RAB17: variants seen among roughly 807,000 people sequenced by gnomAD.
RAB17 encodes the protein ras-related protein Rab-17.
RAB17 carries 15 observed loss-of-function variants against 19.3 expected under a neutral mutation model. That is an observed-to-expected ratio of 0.78 (90% CI 0.52 to 1.20). RAB17 has a LOEUF of 1.20. Ranked by LOEUF, RAB17 falls within the 50% of genes most tolerant of loss-of-function variation. The probability of loss-of-function intolerance (pLI) is 0.00; values close to 1 mark genes in which losing one functional copy is unlikely to be tolerated. For synonymous variants in RAB17, 110 were observed against 112.8 expected, an observed-to-expected ratio of 0.97 and a Z score of 0.16; for missense variants, 262 against 269.3, an observed-to-expected ratio of 0.97 and a Z score of 0.19.
chr2:237,577,272 C>T lies in RAB17; in HGVS notation c.420G>A (p.Arg140=). 6.2e-6 allele frequency: 10 copies of T among 1,613,430 alleles called. No homozygotes were observed. The highest frequency in any genetic ancestry group is 8.5e-6 in the Non-Finnish European group (10 of 1,179,842). ...TGGGCGGTACCTGGAAGGTCACCTC[C>T]CGCTCCTGGCTGAGGTCCGTCTTGT... ...VGNKTDLSQE[R]EVTFQEGKEF... The change falls in exon 4 of 6, where the codon CGG becomes CGA. Residue 140 remains arginine, a synonymous_variant. Coordinates refer to ENST00000264601, the MANE Select transcript of RAB17 (RefSeq NM_022449.4).
At position 237,574,608 on chromosome 2, in the gene RAB17, C is replaced by G. The variant is rs1315092266; in HGVS notation, c.*411G>C. 1.1e-5 allele frequency: 17 copies of G among 1,533,320 alleles called. No homozygotes were observed. The highest frequency in any genetic ancestry group is 2.8e-5 in the African/African-American group (2 of 72,502). 95.0% of individuals were successfully genotyped at this position (1,533,320 alleles called of 1,614,324 possible). A position where few individuals can be genotyped will look rare whatever the true frequency, so the allele number is the denominator to read the frequency against. On this transcript the variant is annotated 3_prime_UTR_variant, in exon 6 of 6. Coordinates refer to ENST00000264601, the MANE Select transcript of RAB17 (RefSeq NM_022449.4). ...CCATCTGGCCTGCTCCCCAACCCCCCAGAAGCAGGTGGGCCCAGGCTCCAG... is the reference window on the plus strand; with the variant it reads ...CCATCTGGCCTGCTCCCCAACCCCCGAGAAGCAGGTGGGCCCAGGCTCCAG...
intron 2 of RAB17, among the ~76,000 whole-genome samples, chr2:237,583,057 G>A (rs1382283126): frequency 6.6e-6 from 1 of 152,164 alleles, no homozygotes; most frequent in African/African-American, 2.4e-5. Flanking sequence ...AGCCAAGGTT[G>A]CACCACTGCA....
At position 237,590,528 on chromosome 2, in the gene RAB17, G is replaced by C. The variant is rs1219987168; in HGVS notation, c.-65C>G. On this transcript the variant is annotated 5_prime_UTR_variant, in exon 1 of 6. Coordinates refer to ENST00000264601, the MANE Select transcript of RAB17 (RefSeq NM_022449.4). ...GAGCCTGTCATCACCAGTCCACAGCGTTGCTACCTGTCTCCGCTTTCTCCT... is the reference window on the plus strand; with the variant it reads ...GAGCCTGTCATCACCAGTCCACAGCCTTGCTACCTGTCTCCGCTTTCTCCT... 5 of 152,422 alleles carry C rather than the reference G, an allele frequency of 3.3e-5. No individual in the cohort carries two copies. The highest frequency in any genetic ancestry group is 7.3e-5 in the Non-Finnish European group (5 of 68,212). 9.4% of individuals were successfully genotyped at this position (152,422 alleles called of 1,614,324 possible). A position where few individuals can be genotyped will look rare whatever the true frequency, so the allele number is the denominator to read the frequency against.
intron 2 of RAB17, chr2:237,579,274 C>T (rs2081290460): frequency 6.6e-6 from 1 of 152,270 alleles, no homozygotes; most frequent in African/African-American, 2.4e-5. Flanking sequence ...AAAACTTACA[C>T]TCCAAGGACA....
intron 2 of RAB17, among the ~76,000 whole-genome samples, chr2:237,579,728 AGACAGAGAACAGGAGGCTG>A (rs149945290): frequency 2.7e-4 from 41 of 149,928 alleles, no homozygotes; most frequent in Middle Eastern, 6.8e-3. Context: ...TGCACCCACT[AGACAGAGAACAGGAGGCTG>A]GACAGAGAAC....
chr2:237,577,312 A>G lies in RAB17; in HGVS notation c.380T>C (p.Val127Ala). 6.2e-7 allele frequency: 1 copy of G among 1,613,904 alleles called. No individual in the cohort carries two copies. Residue 127 changes from valine to alanine, a missense_variant, in exon 4 of 6, where the codon GTG becomes GCG. Physicochemically the swap from Val to Ala is moderately conservative, Grantham distance 64. Coordinates refer to ENST00000264601, the MANE Select transcript of RAB17 (RefSeq NM_022449.4). ...GTCCGTCTTGTTGCCCACCAGCATC[A>G]CCAGGACTTCTCCTGGGTGCAGCTC... ...EEELHPGEVL[V>A]MLVGNKTDLS...
intron 2 of RAB17, among the ~76,000 whole-genome samples, chr2:237,585,229 A>T (rs1271403598): frequency 6.6e-6 from 1 of 151,170 alleles, no homozygotes; most frequent in African/African-American, 2.5e-5. Flanking sequence ...GAATTTGGAG[A>T]TGTGCAGCTT....
intron 2 of RAB17, among the ~76,000 whole-genome samples, chr2:237,584,258 C>T (rs923498418): frequency 2.6e-5 from 4 of 152,052 alleles, no homozygotes; most frequent in Admixed American, 2.0e-4. Flanking sequence ...CGTCCAAGCA[C>T]GTCTCAATGA....
At chr2:237,580,654 G>A (rs957244819) in intron 2 of RAB17, among the ~76,000 whole-genome samples, 14 of 152,140 alleles carry the variant, frequency 9.2e-5, no homozygotes, top group South Asian at 6.2e-4. Flanking sequence ...CAGGAGAATC[G>A]CTTGAACCCA....
chr2:237,583,647 G>A (rs564742456), intron 2 of RAB17, among the ~76,000 whole-genome samples: 199 of 152,264 alleles, frequency 1.3e-3, no homozygotes, highest in Non-Finnish European at 2.1e-3. Context: ...TCCTCTCCCC[G>A]TTGTGCCACG....
chr2:237,585,645 G>A (rs78135595), intron 2 of RAB17: 2,264 of 188,542 alleles, frequency 0.012, 20 homozygotes, highest in Middle Eastern at 0.021. Context: ...GGTTTAGGCC[G>A]CTGAGTGGCC....
Position 237,574,658 on chromosome 2 carries a change from C to T in RAB17, c.*361G>A, listed in dbSNP as rs75804139. ...GGCCAGTGCCCCCATCAAGATCAGACGTAAGGCATCTTCCCACCGTCGCTG... is the reference window on the plus strand; with the variant it reads ...GGCCAGTGCCCCCATCAAGATCAGATGTAAGGCATCTTCCCACCGTCGCTG... On this transcript the variant is annotated 3_prime_UTR_variant, in exon 6 of 6. Coordinates refer to ENST00000264601, the MANE Select transcript of RAB17 (RefSeq NM_022449.4). The T allele has an allele frequency of 1.5e-3, 2,164 of 1,469,680 alleles. 30 individuals are homozygous for T. The African/African-American group carries it at 0.028, about 19-fold the overall frequency. 91.0% of individuals were successfully genotyped at this position (1,469,680 alleles called of 1,614,324 possible).
chr2:237,575,535 C>T lies in RAB17; in HGVS notation c.436-55G>A, dbSNP rs1022904653. 22 of 1,292,064 alleles carry T rather than the reference C, an allele frequency of 1.7e-5. No individual in the cohort carries two copies. In the South Asian group the frequency reaches 2.8e-4, roughly 16 times the overall value. The allele number at this position is 1,292,064 out of a possible 1,614,324, so 80.0% of individuals were successfully genotyped here. ...TGTTTATAAGAGAGTTTCCTAAGGA[C>T]ACCTGGTTCACTTCCAACAGTAAGA... On this transcript the variant is annotated intron_variant, in intron 4 of 5. Transcript: ENST00000264601.
At position 237,575,066 on chromosome 2, in the gene RAB17, C is replaced by G. The variant is rs2081250264; in HGVS notation, c.592G>C (p.Ala198Pro). Residue 198 changes from alanine to proline, a missense_variant, in exon 6 of 6, where the codon GCT (alanine) becomes CCT (proline). Coordinates refer to ENST00000264601, the MANE Select transcript of RAB17 (RefSeq NM_022449.4). ...GQALRGDAAVALNKGPARQAK... is the reference protein window; with the variant it reads ...GQALRGDAAVPLNKGPARQAK... ...TGCCTCGCGGGCCCCTTGTTCAGAG[C>G]CACAGCTGCATCCCCCCGTAGAGCC... 1 of 1,613,802 alleles carries G rather than the reference C, an allele frequency of 6.2e-7. No homozygotes were observed. The highest frequency in any genetic ancestry group is 2.2e-5 in the East Asian group (1 of 44,874).
chr2:237,582,019 C>T (rs1391448022), intron 2 of RAB17, among the ~76,000 whole-genome samples: 1 of 152,274 alleles, frequency 6.6e-6, no homozygotes, highest in African/African-American at 2.4e-5. Context: ...ACAGCAGGGG[C>T]TCCTAAAGCT....
chr2:237,575,321 G>T (rs919002129), intron 5 of RAB17, 66 bp downstream of exon 5: 15 of 1,322,468 alleles, frequency 1.1e-5, no homozygotes, highest in Middle Eastern at 5.1e-4. Flanking sequence ...CCAGCAACAG[G>T]GACCCAGGGA....
rs1264752418 is a variant in RAB17 at position 237,574,871 on chromosome 2, G to A, written c.*148C>T. 3.7e-6 allele frequency: 3 copies of A among 818,504 alleles called. No homozygotes were observed. The South Asian group carries it at 6.6e-5, about 18-fold the overall frequency. 50.7% of individuals were successfully genotyped at this position (818,504 alleles called of 1,614,324 possible). A position where few individuals can be genotyped will look rare whatever the true frequency, so the allele number is the denominator to read the frequency against. On this transcript the variant is annotated 3_prime_UTR_variant, in exon 6 of 6. Coordinates refer to ENST00000264601, the MANE Select transcript of RAB17 (RefSeq NM_022449.4). ...CCTCTGGCAGTTCCCACTGGCTGTG[G>A]GAAGTGGTTTTCATAAAGGGGGCCA...
chr2:237,586,010 G>A lies in RAB17; in HGVS notation c.145C>T (p.Pro49Ser), dbSNP rs764968023. ...TGCCCTCACTTACAGCCCACCGTAG[G>A]CAGGATACTCTTGAAGTCGTTCTTC... is the stretch of plus-strand genomic sequence containing the variant. ...YVKNDFKSIL[P>S]TVGCAFFTKV... The change falls in exon 2 of 6, where the codon CCT becomes TCT. Residue 49 changes from proline (P) to serine (S), a missense_variant. Physicochemically the swap from Pro to Ser is moderately conservative, Grantham distance 74 (BLOSUM62 -1). Coordinates refer to ENST00000264601, the MANE Select transcript of RAB17 (RefSeq NM_022449.4). 1.2e-6 allele frequency: 2 copies of A among 1,609,152 alleles called. No individual in the cohort carries two copies. The highest frequency in any genetic ancestry group is 1.3e-5 in the African/African-American group (1 of 74,664).
intron 2 of RAB17, 55 bp from the exon 3 acceptor site, chr2:237,578,210 C>G: frequency 6.4e-7 from 1 of 1,552,194 alleles, no homozygotes. Flanking sequence ...CCACATGCGG[C>G]TCAGGTGGGA....
Sources: allele counts gnomAD v4.1 joint callset (sites outside exome capture counted in the v4.1 genomes callset), GRCh38; gene constraint gnomAD v4.1.1; transcripts MANE v1.5; gene names NCBI Gene and HGNC (gene_info 2026-07-23, HGNC 2026-07-21).